Variants in MYO18B observed in about 807,000 individuals in gnomAD.
The protein encoded by MYO18B is myosin XVIIIB.
MYO18B carries 204 observed loss-of-function variants against 273.0 expected under a neutral mutation model. That is an observed-to-expected ratio of 0.75 (90% CI 0.67 to 0.84). The LOEUF (loss-of-function observed/expected upper bound fraction) is 0.84, where lower values mean the gene tolerates loss of function less well. Ranked by LOEUF, MYO18B falls within the 40% of genes least tolerant of loss-of-function variation. MYO18B has a pLI of 0.00. For synonymous variants in MYO18B, 1,330 were observed against 1,305.7 expected (o/e 1.02, Z -0.40); for missense variants, 3,212 against 3,287.6 (o/e 0.98, Z 0.56).
chr22:26,034,847 G>T (rs1201440198), downstream of MYO18B, among the ~76,000 whole-genome samples: 1 of 152,212 alleles, frequency 6.6e-6, no homozygotes, highest in Non-Finnish European at 1.5e-5. Flanking sequence ...GCACTCAATA[G>T]CAAAGCTGAG....
intron 33 of MYO18B, among the ~76,000 whole-genome samples, chr22:25,918,894 C>T (rs2092300364): frequency 6.6e-6 from 1 of 152,202 alleles, no homozygotes; most frequent in Non-Finnish European, 1.5e-5. Flanking sequence ...GCAGTAGTTA[C>T]AGACTTACAT....
intron 32 of MYO18B, among the ~76,000 whole-genome samples, chr22:25,910,288 C>G (rs916322933): frequency 5.3e-5 from 8 of 152,254 alleles, no homozygotes; most frequent in African/African-American, 1.9e-4. Context: ...GTCTTCCTGG[C>G]TTGCAGACCA....
intron 42 of MYO18B, among the ~76,000 whole-genome samples, chr22:26,017,967 G>GTTTTTT (rs869143722): frequency 1.9e-3 from 19 of 9,768 alleles, no homozygotes; most frequent in Non-Finnish European, 2.6e-3. Context: ...TTACTGTTTT[G>GTTTTTT]TTTTTTTTTT....
At chr22:25,921,971 A>G (rs1406907657) in intron 34 of MYO18B, among the ~76,000 whole-genome samples, 1 of 152,128 alleles carries the variant, frequency 6.6e-6, no homozygotes, top group Admixed American at 6.5e-5. Flanking sequence ...TTGACTGCCT[A>G]TTAGTATGCT....
intron 7 of MYO18B, among the ~76,000 whole-genome samples, chr22:25,773,721 C>T (rs997521512): frequency 6.6e-6 from 1 of 152,194 alleles, no homozygotes; most frequent in Non-Finnish European, 1.5e-5. Flanking sequence ...CCTCGGCCTC[C>T]CAAAGTGCTG....
intron 42 of MYO18B, among the ~76,000 whole-genome samples, chr22:26,025,287 G>A (rs552865826): frequency 6.6e-6 from 1 of 152,308 alleles, no homozygotes; most frequent in Non-Finnish European, 1.5e-5. Context: ...AGCCCATTGG[G>A]TCACTGTGGT....
At chr22:25,999,572 T>C (rs1335596293) in intron 40 of MYO18B, among the ~76,000 whole-genome samples, 3 of 104,928 alleles carry the variant, frequency 2.9e-5, no homozygotes, top group South Asian at 4.1e-4. Flanking sequence ...CCTCCTCCTC[T>C]TCCCCCTCCT....
At chr22:25,965,833 C>G (rs1246243919) in intron 39 of MYO18B, among the ~76,000 whole-genome samples, 1 of 152,178 alleles carries the variant, frequency 6.6e-6, no homozygotes, top group Non-Finnish European at 1.5e-5. Context: ...GCTATCAGCT[C>G]TTGCCAGCCA....
intron 33 of MYO18B, among the ~76,000 whole-genome samples, chr22:25,913,982 T>G (rs1369093210): frequency 6.6e-6 from 1 of 152,246 alleles, no homozygotes; most frequent in East Asian, 1.9e-4. Context: ...TTTGACATTT[T>G]TAGGTCTCTA....
chr22:25,798,150 G>A, intron 12 of MYO18B, 53 bp downstream of exon 12: 2 of 1,539,078 alleles, frequency 1.3e-6, no homozygotes, highest in Admixed American at 3.9e-5. Context: ...CCTTTGGCAG[G>A]TGCCTGACAA....
chr22:25,911,270 A>G lies in MYO18B; in HGVS notation c.5364+220A>G, dbSNP rs2269628. ...AAGAGAGTGGGGCCAGCCAGGAGCA[A>G]TGGATGAGGCTGTCTTTGCCTTCAG... On this transcript the variant is annotated intron_variant, in intron 33 of 43. Coordinates refer to ENST00000335473, the MANE Select transcript of MYO18B (RefSeq NM_032608.7). 0.4 allele frequency among the ~76,000 whole-genome samples: 60,150 copies of G among 152,092 alleles called. 12,381 individuals carry two copies. Among genetic ancestry groups the G allele is most frequent in the Non-Finnish European group, 0.43 (28,926 of 67,978 alleles).
At chr22:25,821,970 G>A (rs2089298178) in intron 12 of MYO18B, among the ~76,000 whole-genome samples, 1 of 152,160 alleles carries the variant, frequency 6.6e-6, no homozygotes, top group African/African-American at 2.4e-5. Context: ...TTGCACAGTT[G>A]ATATCACTAT....
At chr22:25,925,665 G>A (rs1484999290) in intron 34 of MYO18B, among the ~76,000 whole-genome samples, 1 of 152,096 alleles carries the variant, frequency 6.6e-6, no homozygotes, top group African/African-American at 2.4e-5. Context: ...AGCACTTTGG[G>A]AGGCTGAGGC....
rs764821770 is a variant in MYO18B at position 26,026,721 on chromosome 22, C to T, written c.6747C>T (p.Ala2249=). 1.2e-6 allele frequency: 2 copies of T among 1,613,712 alleles called. No homozygotes were observed. The highest frequency in any genetic ancestry group is 1.7e-6 in the Non-Finnish European group (2 of 1,179,806). The change falls in exon 43 of 44, where the codon GCC becomes GCT. Residue 2249 remains alanine (A), a synonymous_variant. Transcript: ENST00000335473. ...AAAAGCTGCCCAGTCCTTCAGCGGC[C>T]CTCTCGGAGTTCGTGGAAGGGCTCC... ...SREKLPSPSA[A]LSEFVEGLRR...
the MYO18B span, among the ~76,000 whole-genome samples, chr22:26,046,045 G>C: frequency 1.3e-5 from 2 of 152,172 alleles, no homozygotes; most frequent in African/African-American, 4.8e-5. Flanking sequence ...TTGCATATGT[G>C]CCTGACTCTG....
chr22:25,749,019 C>T (rs372119005), intron 1 of MYO18B, among the ~76,000 whole-genome samples: 1 of 152,176 alleles, frequency 6.6e-6, no homozygotes, highest in South Asian at 2.1e-4. Context: ...CCTCTTTCCA[C>T]GCCCAGGGCA....
chr22:25,854,023 GTTAAGACCTCAGGAT>G (rs1387764948), intron 21 of MYO18B, among the ~76,000 whole-genome samples: 1 of 152,182 alleles, frequency 6.6e-6, no homozygotes. Context: ...GTGCAAAGCA[GTTAAGACCTCAGGAT>G]TTAATAAGAC....
intron 38 of MYO18B, 147 bp from the exon 39 acceptor site, chr22:25,955,032 T>G (rs991445549): frequency 1.2e-4 from 107 of 875,348 alleles, no homozygotes; most frequent in Non-Finnish European, 1.6e-4. Flanking sequence ...TGTTGTTAAT[T>G]CTTCATTTTT....
chr22:25,904,748 T>C (rs1569174245), intron 31 of MYO18B, among the ~76,000 whole-genome samples: 1 of 152,060 alleles, frequency 6.6e-6, no homozygotes, highest in Non-Finnish European at 1.5e-5. Flanking sequence ...ACATGTATAA[T>C]AGAACACAAA....
Sources: gnomAD v4.1 joint callset for allele counts (sites outside exome capture counted in the v4.1 genomes callset) on GRCh38, gnomAD v4.1.1 for gene constraint, MANE v1.5 for transcripts, NCBI Gene and HGNC (gene_info 2026-07-23, HGNC 2026-07-21) for gene names.